The following FBXO4 variants were observed in gnomAD, a reference collection of about 807,000 sequenced individuals.
The protein encoded by FBXO4 is F-box only protein 4.
FBXO4 carries 36 observed loss-of-function variants against 43.7 expected under a neutral mutation model. The observed-to-expected ratio is 0.82, with a 90% CI of 0.63 to 1.09. The LOEUF (loss-of-function observed/expected upper bound fraction) is 1.09, where lower values mean the gene tolerates loss of function less well. Among genes scored for constraint, FBXO4 ranks in the 50% least tolerant of loss-of-function variants. The pLI is 0.00. For synonymous variants in FBXO4, 180 were observed against 165.6 expected, an observed-to-expected ratio of 1.09 and a Z score of -0.67; for missense variants, 435 against 474.1, an observed-to-expected ratio of 0.92 and a Z score of 0.77.
At chr5:42,001,852 A>C in the FBXO4 span, among the ~76,000 whole-genome samples, 1 of 148,334 alleles carries the variant, frequency 6.7e-6, no homozygotes, top group South Asian at 2.2e-4. Flanking sequence ...TGGCTGGCTA[A>C]TTTTTTTTTT....
chr5:42,028,169 T>C, the FBXO4 span, among the ~76,000 whole-genome samples: 1 of 151,898 alleles, frequency 6.6e-6, no homozygotes, highest in African/African-American at 2.4e-5. Flanking sequence ...TTGGAGTAGC[T>C]CTAATAATAT....
the FBXO4 span, among the ~76,000 whole-genome samples, chr5:42,017,014 T>C: frequency 6.6e-6 from 1 of 152,088 alleles, no homozygotes; most frequent in African/African-American, 2.4e-5. Context: ...TTTTAGATGA[T>C]ATTAGTCTTT....
the FBXO4 span, among the ~76,000 whole-genome samples, chr5:41,965,561 A>C: frequency 4.2e-4 from 64 of 152,132 alleles, no homozygotes; most frequent in African/African-American, 1.5e-3. Context: ...TTATTTCATG[A>C]AAAAATGCTC....
At chr5:42,019,109 G>A in the FBXO4 span, among the ~76,000 whole-genome samples, 1 of 152,086 alleles carries the variant, frequency 6.6e-6, no homozygotes, top group South Asian at 2.1e-4. Context: ...TTGAAGTTAA[G>A]TTTAATAACC....
chr5:42,001,886 T>A, the FBXO4 span, among the ~76,000 whole-genome samples: 6 of 152,106 alleles, frequency 3.9e-5, no homozygotes. Context: ...AGGTGAAGTT[T>A]CACTATGTTG....
chr5:41,942,201 G>T (rs1752016702), downstream of FBXO4, among the ~76,000 whole-genome samples: 1 of 151,792 alleles, frequency 6.6e-6, no homozygotes, highest in Non-Finnish European at 1.5e-5. Context: ...TTTTGTTGAG[G>T]GGGCAGAATT....
the FBXO4 span, among the ~76,000 whole-genome samples, chr5:41,987,318 A>G: frequency 2.0e-5 from 3 of 152,116 alleles, no homozygotes; most frequent in East Asian, 5.8e-4. Flanking sequence ...GCCCTTCACA[A>G]ATTTCTTTAA....
At chr5:41,975,741 C>T in the FBXO4 span, among the ~76,000 whole-genome samples, 1 of 152,072 alleles carries the variant, frequency 6.6e-6, no homozygotes, top group Non-Finnish European at 1.5e-5. Context: ...AGTAGTGTTA[C>T]CTACATTCAC....
the FBXO4 span, among the ~76,000 whole-genome samples, chr5:42,003,549 T>C: frequency 6.6e-6 from 1 of 152,206 alleles, no homozygotes; most frequent in Non-Finnish European, 1.5e-5. Context: ...CTTTAAGTTC[T>C]AGGGTACATG....
chr5:41,974,925 C>G, the FBXO4 span, among the ~76,000 whole-genome samples: 4 of 152,056 alleles, frequency 2.6e-5, no homozygotes, highest in African/African-American at 4.8e-5. Context: ...TTCTGTTAGG[C>G]CTTTAGTGTC....
At chr5:41,972,191 C>T in the FBXO4 span, among the ~76,000 whole-genome samples, 2 of 151,948 alleles carry the variant, frequency 1.3e-5, no homozygotes, top group Admixed American at 1.3e-4. Context: ...CCTAAAAAAC[C>T]CCATCCCATA....
Position 41,941,328 on chromosome 5 carries a change from T to A in FBXO4, c.*47T>A. ...ACTGAAACCATTTGAAATTTATTAC[T>A]AAGGTCGTGATGTGAATATTTGCTC... On this transcript the variant is annotated 3_prime_UTR_variant, in exon 7 of 7. Transcript: ENST00000281623. 6.5e-7 allele frequency: 1 copy of A among 1,535,852 alleles called. No individual in the cohort carries two copies. Among genetic ancestry groups the A allele is most frequent in the Non-Finnish European group, 9.0e-7 (1 of 1,110,274 alleles).
chr5:41,956,863 C>G, the FBXO4 span, among the ~76,000 whole-genome samples: 1 of 151,936 alleles, frequency 6.6e-6, no homozygotes, highest in Non-Finnish European at 1.5e-5. Flanking sequence ...CAGGCACACA[C>G]CACTGCAAAT....
the FBXO4 span, among the ~76,000 whole-genome samples, chr5:42,023,615 A>G: frequency 6.6e-6 from 1 of 151,920 alleles, no homozygotes; most frequent in African/African-American, 2.4e-5. Flanking sequence ...ATCCATGGCC[A>G]TTTTCCCCAT....
At position 41,934,204 on chromosome 5, in the gene FBXO4, G is replaced by C. The variant is rs571634489; in HGVS notation, c.794G>C (p.Gly265Ala). ...VNKMFSRHNE[G>A]DDQQGSRYSV... Reference sequence around the variant, plus strand: ...AAGATGTTCAGTCGACACAATGAAGGTGATGATCAACAAGGAAGCCGGTAC... The same window carrying C: ...AAGATGTTCAGTCGACACAATGAAGCTGATGATCAACAAGGAAGCCGGTAC... Residue 265 changes from glycine to alanine, a missense_variant, in exon 5 of 7, where the codon GGT becomes GCT. Coordinates refer to ENST00000281623, the MANE Select transcript of FBXO4 (RefSeq NM_012176.3). 6.8e-6 allele frequency: 11 copies of C among 1,614,100 alleles called. No homozygotes were observed. In the South Asian group the frequency reaches 1.2e-4, roughly 18 times the overall value.
chr5:41,953,807 G>A, the FBXO4 span, among the ~76,000 whole-genome samples: 2 of 151,854 alleles, frequency 1.3e-5, no homozygotes, highest in African/African-American at 4.8e-5. Context: ...TTTGAGAAGT[G>A]TCTGTTCATA....
the FBXO4 span, among the ~76,000 whole-genome samples, chr5:42,000,621 C>T: frequency 2.6e-5 from 4 of 151,990 alleles, no homozygotes; most frequent in Non-Finnish European, 5.9e-5. Flanking sequence ...CCTTTTGTTG[C>T]TTGTGTTTTT....
the FBXO4 span, among the ~76,000 whole-genome samples, chr5:41,969,427 G>A: frequency 6.6e-6 from 1 of 152,016 alleles, no homozygotes; most frequent in African/African-American, 2.4e-5. Context: ...GTATCCCTAT[G>A]TCTTAATCAA....
chr5:42,027,438 C>A, the FBXO4 span, among the ~76,000 whole-genome samples: 1 of 151,570 alleles, frequency 6.6e-6, no homozygotes, highest in Non-Finnish European at 1.5e-5. Context: ...TCTCTTTTTT[C>A]TTCTTAGTCT....
Sources: gnomAD v4.1 joint callset for allele counts (sites outside exome capture counted in the v4.1 genomes callset) on GRCh38, gnomAD v4.1.1 for gene constraint, MANE v1.5 for transcripts, NCBI Gene and HGNC (gene_info 2026-07-23, HGNC 2026-07-21) for gene names.